SLC16A2: variants seen among roughly 807,000 people sequenced by gnomAD.
The protein encoded by SLC16A2 is solute carrier family 16 member 2.
Under a neutral mutation model 27.2 loss-of-function variants are expected in SLC16A2, and 3 were observed. The observed-to-expected ratio is 0.11, with a 90% CI of 0.05 to 0.28. The LOEUF (loss-of-function observed/expected upper bound fraction) is 0.28. Ranked by LOEUF, SLC16A2 falls within the 10% of genes least tolerant of loss-of-function variation. The pLI is 1.00. For missense variants in SLC16A2, 295 were observed against 458.5 expected, an observed-to-expected ratio of 0.64 and a Z score of 3.26; for synonymous variants, 202 against 187.8, an observed-to-expected ratio of 1.08 and a Z score of -0.62.
At chrX:74,495,517 C>T (rs1262687999) in intron 1 of SLC16A2, among the ~76,000 whole-genome samples, 1 of 109,614 alleles carries the variant, frequency 9.1e-6, no homozygotes, top group Non-Finnish European at 1.9e-5. Flanking sequence ...GTAATGGAAA[C>T]TGATCTGGCC....
intron 1 of SLC16A2, among the ~76,000 whole-genome samples, chrX:74,448,820 G>A (rs1055397551): frequency 1.8e-5 from 2 of 110,051 alleles, no homozygotes; most frequent in Non-Finnish European, 3.8e-5. Flanking sequence ...GAATTTGGGC[G>A]TCATTCCCAT....
intron 1 of SLC16A2, among the ~76,000 whole-genome samples, chrX:74,442,266 C>T (rs1569285339): frequency 9.2e-6 from 1 of 108,555 alleles, no homozygotes; most frequent in Non-Finnish European, 1.9e-5. Context: ...GGAATTTGTG[C>T]CCCCAGGAGA....
intron 1 of SLC16A2, among the ~76,000 whole-genome samples, chrX:74,448,237 A>G (rs1381257300): frequency 9.1e-6 from 1 of 109,863 alleles, no homozygotes; most frequent in Non-Finnish European, 1.9e-5. Context: ...ATTTTAAACA[A>G]TCTTATCAGG....
chrX:74,489,961 TCACACACATACA>T (rs1334128897), intron 1 of SLC16A2, among the ~76,000 whole-genome samples: 6 of 22,922 alleles, frequency 2.6e-4, no homozygotes, highest in African/African-American at 7.1e-4. Flanking sequence ...ATTATAAAGG[TCACACACATACA>T]CACACACACA....
chrX:74,424,514 G>A (rs1358424890), intron 1 of SLC16A2, among the ~76,000 whole-genome samples: 1 of 111,697 alleles, frequency 9.0e-6, no homozygotes. Context: ...AAATTTCCCA[G>A]CCGTCTGTGC....
chrX:74,437,945 G>A (rs759930996), intron 1 of SLC16A2, among the ~76,000 whole-genome samples: 3 of 111,846 alleles, frequency 2.7e-5, no homozygotes, highest in Non-Finnish European at 5.6e-5. Flanking sequence ...TTATCTCCAC[G>A]TAAGACCACC....
chrX:74,425,185 C>A (rs1928382312), intron 1 of SLC16A2, among the ~76,000 whole-genome samples: 1 of 111,842 alleles, frequency 8.9e-6, no homozygotes, highest in Admixed American at 9.5e-5. Context: ...CATCAGAGTG[C>A]CTCTGGGCAT....
At chrX:74,460,814 C>G (rs1382570796) in intron 1 of SLC16A2, among the ~76,000 whole-genome samples, 2 of 110,882 alleles carry the variant, frequency 1.8e-5, no homozygotes, top group East Asian at 5.7e-4. Context: ...CCAAGCCCAG[C>G]TAGTTCTTTT....
At chrX:74,444,829 G>A (rs746818208) in intron 1 of SLC16A2, among the ~76,000 whole-genome samples, 1 of 111,874 alleles carries the variant, frequency 8.9e-6, no homozygotes, top group South Asian at 3.8e-4. Context: ...GCCCAGCCTA[G>A]CTTATATCCT....
At chrX:74,492,660 C>T (rs1212222932) in intron 1 of SLC16A2, among the ~76,000 whole-genome samples, 7 of 111,117 alleles carry the variant, frequency 6.3e-5, no homozygotes, top group African/African-American at 2.3e-4. Context: ...ATTACTCATT[C>T]ATTACTGCTC....
intron 1 of SLC16A2, among the ~76,000 whole-genome samples, chrX:74,475,643 G>T (rs987039445): frequency 8.9e-6 from 1 of 111,841 alleles, no homozygotes; most frequent in East Asian, 2.8e-4. Context: ...AATCCATCTT[G>T]AATTAATTTT....
chrX:74,473,179 C>A (rs574833838), intron 1 of SLC16A2: 6 of 688,160 alleles, frequency 8.7e-6, no homozygotes, highest in African/African-American at 8.5e-5. Context: ...GTTGTAACTG[C>A]CAAAATCATT....
In SLC16A2 at chrX:74,529,271, T is replaced by G; in HGVS notation, c.1229T>G (p.Phe410Cys). The change falls in exon 5 of 6, where the codon TTC becomes TGC. Residue 410 changes from phenylalanine (F) to cysteine (C), a missense_variant. Physicochemically the swap from Phe to Cys is radical, Grantham distance 205 (BLOSUM62 -2). This residue lies in a region of SLC16A2 where 144 missense variants were observed against 219.8 expected (regional missense o/e 0.66). Coordinates refer to ENST00000587091, the MANE Select transcript of SLC16A2 (RefSeq NM_006517.5). ...ATGATGATTCCCCTGTGCCGGGACT[T>G]CGGGGGCCTTATCGTCGTCTGTCTT... is the stretch of plus-strand genomic sequence containing the variant. ...MSMMIPLCRD[F>C]GGLIVVCLFL... 1 of 1,211,989 alleles carries G rather than the reference T, an allele frequency of 8.3e-7. No homozygotes were observed. Among genetic ancestry groups the G allele is most frequent in the African/African-American group, 1.7e-5 (1 of 57,853 alleles).
At chrX:74,472,453 T>C (rs1032004903) in intron 1 of SLC16A2, among the ~76,000 whole-genome samples, 1 of 111,538 alleles carries the variant, frequency 9.0e-6, no homozygotes, top group Non-Finnish European at 1.9e-5. Context: ...CTGAAAAGAC[T>C]ATTTTATCTA....
At chrX:74,488,819 C>A (rs1267889914) in intron 1 of SLC16A2, among the ~76,000 whole-genome samples, 1 of 111,494 alleles carries the variant, frequency 9.0e-6, no homozygotes, top group African/African-American at 3.2e-5. Context: ...CTCTTTATAT[C>A]ATTAACTTTC....
intron 1 of SLC16A2, among the ~76,000 whole-genome samples, chrX:74,423,755 T>A (rs185012525): frequency 5.4e-5 from 6 of 111,087 alleles, no homozygotes; most frequent in Non-Finnish European, 1.1e-4. Flanking sequence ...GTGTAGGGAC[T>A]CATGCTGTTG....
intron 1 of SLC16A2, among the ~76,000 whole-genome samples, chrX:74,488,359 G>C (rs1471858020): frequency 1.8e-5 from 2 of 111,532 alleles, no homozygotes; most frequent in Non-Finnish European, 3.8e-5. Flanking sequence ...GAAGGAGAGA[G>C]CTATTATCCA....
At chrX:74,471,784 T>G (rs1037716689) in intron 1 of SLC16A2, among the ~76,000 whole-genome samples, 1 of 111,991 alleles carries the variant, frequency 8.9e-6, no homozygotes, top group African/African-American at 3.2e-5. Context: ...AAACTGAAAC[T>G]CTGTGTCTAT....
At chrX:74,438,924 T>C (rs1928673494) in intron 1 of SLC16A2, among the ~76,000 whole-genome samples, 1 of 112,070 alleles carries the variant, frequency 8.9e-6, no homozygotes, top group South Asian at 3.7e-4. Context: ...ACTACGACTC[T>C]AGCCTGCACA....
Sources: allele counts gnomAD v4.1 joint callset (sites outside exome capture counted in the v4.1 genomes callset), GRCh38; gene constraint gnomAD v4.1.1; regional missense constraint gnomAD v4.1.1; transcripts MANE v1.5; gene names NCBI Gene and HGNC (gene_info 2026-07-23, HGNC 2026-07-21).